VPS13B: variants seen among roughly 807,000 people sequenced by gnomAD.
VPS13B encodes intermembrane lipid transfer protein VPS13B.
Under a neutral mutation model 426.4 loss-of-function variants are expected in VPS13B, and 285 were observed. The observed-to-expected ratio is 0.67, with a 90% CI of 0.61 to 0.74. The LOEUF (loss-of-function observed/expected upper bound fraction) is 0.74. Among genes scored for constraint, VPS13B ranks in the 30% least tolerant of loss-of-function variants. The pLI is 0.00. For missense variants in VPS13B, 4,537 were observed against 4,782.6 expected (o/e 0.95, Z 1.51); for synonymous variants, 1,676 against 1,676.4 (o/e 1.00, Z 0.01).
intron 31 of VPS13B, among the ~76,000 whole-genome samples, chr8:99,562,631 A>C (rs1824989320): frequency 6.6e-6 from 1 of 152,088 alleles, no homozygotes; most frequent in Admixed American, 6.6e-5. Context: ...ATGAGTTGTA[A>C]GAGTTCTTTA....
At chr8:99,550,812 G>A (rs1399928454) in intron 30 of VPS13B, among the ~76,000 whole-genome samples, 1 of 151,932 alleles carries the variant, frequency 6.6e-6, no homozygotes, top group East Asian at 1.9e-4. Flanking sequence ...TTAGAAGTGT[G>A]TTTTAAAATT....
chr8:99,141,156 GCAGC>G (rs1309112115), intron 12 of VPS13B, among the ~76,000 whole-genome samples: 3 of 152,148 alleles, frequency 2.0e-5, no homozygotes, highest in Non-Finnish European at 4.4e-5. Context: ...CTTAATAAGG[GCAGC>G]CAAACATTCA....
chr8:99,283,065 A>G (rs931901495), intron 19 of VPS13B, among the ~76,000 whole-genome samples: 5 of 152,158 alleles, frequency 3.3e-5, no homozygotes, highest in African/African-American at 4.8e-5. Context: ...GTTGGTTAGA[A>G]TATATTGTTT....
intron 54 of VPS13B, among the ~76,000 whole-genome samples, chr8:99,844,839 T>C (rs1416955036): frequency 6.6e-6 from 1 of 152,190 alleles, no homozygotes; most frequent in Non-Finnish European, 1.5e-5. Flanking sequence ...ATTTCTGGAA[T>C]CTCTCTATTA....
chr8:99,062,647 T>G (rs1844252665), intron 3 of VPS13B, among the ~76,000 whole-genome samples: 1 of 152,118 alleles, frequency 6.6e-6, no homozygotes, highest in African/African-American at 2.4e-5. Flanking sequence ...TTTGTATTTT[T>G]AGTAGAGATG....
chr8:99,694,618 A>G (rs1440995385), intron 35 of VPS13B, among the ~76,000 whole-genome samples: 1 of 117,814 alleles, frequency 8.5e-6, no homozygotes, highest in African/African-American at 3.3e-5. Flanking sequence ...AGGCATTACC[A>G]TTCAGGACAT....
At chr8:99,055,419 G>T (rs1488072680) in intron 3 of VPS13B, among the ~76,000 whole-genome samples, 1 of 151,972 alleles carries the variant, frequency 6.6e-6, no homozygotes, top group East Asian at 1.9e-4. Context: ...TTTCAGTTTG[G>T]TTCAAAAGGC....
rs376283724 is a variant in VPS13B at position 99,817,619 on chromosome 8, G to A, written c.8177G>A (p.Gly2726Asp). 8.7e-6 allele frequency: 14 copies of A among 1,613,990 alleles called. No individual in the cohort carries two copies. In the African/African-American group the frequency reaches 1.6e-4, roughly 18 times the overall value. ...IELKVVQHYIGQDGQAVVREH... is the reference protein window; with the variant it reads ...IELKVVQHYIDQDGQAVVREH... ...CTAAAAGTCGTTCAGCATTACATTG[G>A]TCAAGATGGACAAGCTGTAGTTCGG... Residue 2726 changes from glycine to aspartate, a missense_variant, in exon 45 of 62, where the codon GGT becomes GAT. Gly to Asp is a moderately conservative substitution (Grantham distance 94, BLOSUM62 -1). Transcript: ENST00000357162.
At chr8:99,810,881 A>T (rs1389552537) in intron 44 of VPS13B, among the ~76,000 whole-genome samples, 3 of 152,188 alleles carry the variant, frequency 2.0e-5, no homozygotes, top group Non-Finnish European at 4.4e-5. Flanking sequence ...ATAAACGAAG[A>T]GACAAATGTG....
chr8:99,629,059 C>T (rs926831445), intron 33 of VPS13B, among the ~76,000 whole-genome samples: 5 of 152,120 alleles, frequency 3.3e-5, no homozygotes, highest in African/African-American at 9.7e-5. Flanking sequence ...CCACTATGCC[C>T]AGCCTAGCTG....
At chr8:99,849,578 T>C (rs1816155631) in intron 55 of VPS13B, among the ~76,000 whole-genome samples, 1 of 152,182 alleles carries the variant, frequency 6.6e-6, no homozygotes, top group Admixed American at 6.5e-5. Flanking sequence ...GTAATACATA[T>C]TAAGAGCTTT....
chr8:99,839,741 C>T (rs1815582640), intron 54 of VPS13B, among the ~76,000 whole-genome samples: 1 of 152,200 alleles, frequency 6.6e-6, no homozygotes, highest in African/African-American at 2.4e-5. Flanking sequence ...ATTTTCTGAT[C>T]TCCGCATTCA....
intron 4 of VPS13B, among the ~76,000 whole-genome samples, chr8:99,097,535 A>G (rs189733639): frequency 1.3e-5 from 2 of 152,296 alleles, no homozygotes; most frequent in African/African-American, 4.8e-5. Flanking sequence ...ATGAACCACA[A>G]GTAATATCTT....
At chr8:99,377,843 G>A (rs553860900) in intron 19 of VPS13B, among the ~76,000 whole-genome samples, 14 of 152,330 alleles carry the variant, frequency 9.2e-5, no homozygotes, top group African/African-American at 3.4e-4. Context: ...GGGTCACAGA[G>A]ATCACATGGT....
At chr8:99,829,257 T>C (rs1232090063) in intron 51 of VPS13B, among the ~76,000 whole-genome samples, 1 of 152,222 alleles carries the variant, frequency 6.6e-6, no homozygotes, top group Admixed American at 6.5e-5. Context: ...GTTTGGTCTT[T>C]TCACATAGTC....
At chr8:99,200,741 CTCTTTT>C (rs1814267014) in intron 17 of VPS13B, among the ~76,000 whole-genome samples, 2 of 151,936 alleles carry the variant, frequency 1.3e-5, no homozygotes, top group Non-Finnish European at 2.9e-5. Flanking sequence ...TAAGATCTGC[CTCTTTT>C]TCTTTTAAAT....
At chr8:99,084,723 T>C (rs1056595453) in intron 3 of VPS13B, among the ~76,000 whole-genome samples, 3 of 152,232 alleles carry the variant, frequency 2.0e-5, no homozygotes, top group Non-Finnish European at 4.4e-5. Context: ...CCAGTAGTCA[T>C]TCAGGAGCAG....
At chr8:99,784,687 G>A (rs1812176408) in intron 43 of VPS13B, among the ~76,000 whole-genome samples, 1 of 152,100 alleles carries the variant, frequency 6.6e-6, no homozygotes, top group African/African-American at 2.4e-5. Flanking sequence ...CTGGTGCTTG[G>A]GGCGGGGGCA....
At chr8:99,115,515 T>C (rs979886777) in intron 6 of VPS13B, among the ~76,000 whole-genome samples, 185 bp from the exon 7 acceptor site, 2 of 152,190 alleles carry the variant, frequency 1.3e-5, no homozygotes, top group East Asian at 3.8e-4. Flanking sequence ...CGTGTATTGA[T>C]CATCATAGCA....
Sources: allele counts gnomAD v4.1 joint callset (sites outside exome capture counted in the v4.1 genomes callset), GRCh38; gene constraint gnomAD v4.1.1; transcripts MANE v1.5; gene names NCBI Gene and HGNC (gene_info 2026-07-23, HGNC 2026-07-21).